The following GRIP2 variants were observed in gnomAD, a reference collection of about 807,000 sequenced individuals.
GRIP2 encodes the protein glutamate receptor interacting protein 2, also known as glutamate receptor-interacting protein 2.
Under a neutral mutation model 108.3 loss-of-function variants are expected in GRIP2, and 58 were observed. The ratio of observed to expected loss-of-function variants is 0.54; its 90% confidence interval spans 0.43 to 0.67. The LOEUF is 0.67. Among genes scored for constraint, GRIP2 ranks in the 30% least tolerant of loss-of-function variants. The pLI, the probability that GRIP2 is intolerant of heterozygous loss-of-function variation, is 0.00. For synonymous variants in GRIP2, 586 were observed against 598.2 expected (o/e 0.98, Z 0.30); for missense variants, 1,278 against 1,430.6 (o/e 0.89, Z 1.72).
intron 21 of GRIP2, 141 bp downstream of exon 21, chr3:14,503,425 C>T: frequency 1.6e-6 from 1 of 629,382 alleles, no homozygotes; most frequent in South Asian, 2.0e-5. Flanking sequence ...GACACCTTTT[C>T]CCACAGGGTG....
chr3:14,555,769 A>G, intron 1 of GRIP2: 1 of 399,128 alleles, frequency 2.5e-6, no homozygotes, highest in Non-Finnish European at 4.4e-6. Flanking sequence ...GGAGGGAGAG[A>G]GAGATGCAGC....
At chr3:14,569,543 G>A in the GRIP2 span, among the ~76,000 whole-genome samples, 49 of 152,328 alleles carry the variant, frequency 3.2e-4, no homozygotes, top group South Asian at 2.1e-4. Context: ...TTGCCGGATC[G>A]TGGGAGATCC....
At position 14,496,440 on chromosome 3, in the gene GRIP2, G is replaced by A. The variant is rs1239207114; in HGVS notation, c.2800C>T (p.Pro934Ser). Residue 934 changes from proline (P) to serine (S), a missense_variant, in exon 22 of 24, where the codon CCT (proline) becomes TCT (serine). Transcript: ENST00000621039. ...SPAEMEELLL[P>S]TPLEMHKVTL... Reference sequence around the variant, plus strand: ...ACCTTGTGCATCTCCAAGGGTGTAGGCAGCAACAGCTCCTCCATTTCTGCA... The same window carrying A: ...ACCTTGTGCATCTCCAAGGGTGTAGACAGCAACAGCTCCTCCATTTCTGCA... 1 of 1,612,410 alleles carries A rather than the reference G, an allele frequency of 6.2e-7. No homozygotes were observed. Among genetic ancestry groups the A allele is most frequent in the Non-Finnish European group, 8.5e-7 (1 of 1,179,284 alleles).
chr3:14,580,997 C>A, the GRIP2 span, among the ~76,000 whole-genome samples: 1 of 139,400 alleles, frequency 7.2e-6, no homozygotes, highest in East Asian at 2.2e-4. Flanking sequence ...CTGCAGATTA[C>A]TGACTACCAG....
intron 19 of GRIP2, 51 bp downstream of exon 19, chr3:14,506,750 G>A (rs1574997237): frequency 6.7e-7 from 1 of 1,481,700 alleles, no homozygotes; most frequent in East Asian, 2.5e-5. Context: ...CCCAGCAGCA[G>A]GGGCGGCCTA....
upstream of GRIP2, among the ~76,000 whole-genome samples, chr3:14,543,945 C>T (rs996605183): frequency 2.6e-5 from 4 of 152,220 alleles, no homozygotes; most frequent in Non-Finnish European, 5.9e-5. Context: ...AACACCTACC[C>T]TCTAGGGTTG....
In GRIP2 at chr3:14,522,184, G is replaced by A. The variant is rs890937638; in HGVS notation, c.567-397C>T. 21 of 187,650 alleles carry A rather than the reference G, an allele frequency of 1.1e-4. No individual in the cohort carries two copies. The highest frequency in any genetic ancestry group is 2.8e-4 in the South Asian group (2 of 7,178). 11.6% of individuals were successfully genotyped at this position (187,650 alleles called of 1,614,324 possible). ...GGTGCAAGCTGTGCCCATGCCACAC[G>A]GCATTGGGGGCTGCTCTGAGCCGTC... On this transcript the variant is annotated intron_variant, in intron 6 of 23. Transcript: ENST00000621039. The surrounding 1 kb of genome is among the most constrained non-coding windows in gnomAD (Gnocchi z 4.3).
At chr3:14,549,568 T>C (rs1695111183) in intron 1 of GRIP2, among the ~76,000 whole-genome samples, 1 of 152,226 alleles carries the variant, frequency 6.6e-6, no homozygotes, top group Non-Finnish European at 1.5e-5. Context: ...TCTTCCCAGA[T>C]GCCACAACAT....
intron 1 of GRIP2, among the ~76,000 whole-genome samples, chr3:14,534,669 C>A (rs1473553079): frequency 6.6e-6 from 1 of 152,080 alleles, no homozygotes; most frequent in Non-Finnish European, 1.5e-5. Flanking sequence ...GTGGGGTGTG[C>A]AAGTCAGGGG....
intron 10 of GRIP2, 62 bp from the exon 11 acceptor site, chr3:14,517,275 T>TG (rs533593351): frequency 2.0e-6 from 3 of 1,471,550 alleles, no homozygotes; most frequent in Non-Finnish European, 2.7e-6. Context: ...CACCACACAG[T>TG]GGGTGCTGGG....
At position 14,507,807 on chromosome 3, in the gene GRIP2, G is replaced by C; in HGVS notation, c.2079-107C>G. On this transcript the variant is annotated intron_variant, in intron 17 of 23. Coordinates refer to ENST00000621039, the MANE Select transcript of GRIP2 (RefSeq NM_001080423.4). This position sits in a 1 kb window ranked among gnomAD's most constrained non-coding sequence, Gnocchi z 4.6. ...AGAGCCACAAAGCAGAAGTCTGGCT[G>C]ACCCCAGTTAAACCCAGCTGCCAAA... 1 of 1,337,736 alleles carries C rather than the reference G, an allele frequency of 7.5e-7. No individual in the cohort carries two copies. The highest frequency in any genetic ancestry group is 1.3e-5 in the South Asian group (1 of 75,056). The allele number at this position is 1,337,736 out of a possible 1,614,324, so 82.9% of individuals were successfully genotyped here.
intron 21 of GRIP2, among the ~76,000 whole-genome samples, chr3:14,500,923 A>G (rs1224028272): frequency 6.6e-6 from 1 of 152,222 alleles, no homozygotes; most frequent in Non-Finnish European, 1.5e-5. Context: ...TATAGTGCCT[A>G]TCTTATTCAA....
intron 23 of GRIP2, 98 bp downstream of exon 23, chr3:14,494,745 T>TC: frequency 7.0e-7 from 1 of 1,419,762 alleles, no homozygotes; most frequent in South Asian, 1.4e-5. Context: ...ACTTGCATTG[T>TC]CCTGCCCTCT....
intron 11 of GRIP2, among the ~76,000 whole-genome samples, chr3:14,516,090 C>G (rs928869810): frequency 1.1e-4 from 16 of 152,124 alleles, no homozygotes; most frequent in Non-Finnish European, 1.9e-4. Flanking sequence ...AGAGGAGTCG[C>G]AAGAGCCTCC....
the GRIP2 span, among the ~76,000 whole-genome samples, chr3:14,581,974 G>C: frequency 6.6e-5 from 10 of 152,280 alleles, no homozygotes; most frequent in African/African-American, 2.4e-4. Context: ...GGAAAGACTT[G>C]AGAGAGGGGA....
chr3:14,573,497 C>T, the GRIP2 span: 1 of 1,546,362 alleles, frequency 6.5e-7, no homozygotes, highest in Non-Finnish European at 8.9e-7. Flanking sequence ...AAGGCAGGAG[C>T]CCACACACAT....
chr3:14,541,792 G>T, upstream of GRIP2: 2 of 1,013,648 alleles, frequency 2.0e-6, no homozygotes, highest in Non-Finnish European at 2.7e-6. Flanking sequence ...GGTGGTGAGG[G>T]TCAGATTGCA....
chr3:14,580,174 GC>G, the GRIP2 span, among the ~76,000 whole-genome samples: 3 of 152,188 alleles, frequency 2.0e-5, no homozygotes, highest in Non-Finnish European at 2.9e-5. Flanking sequence ...CAGGTGCTAA[GC>G]CAACACTCAT....
chr3:14,525,590 T>G lies in GRIP2; in HGVS notation c.122-18A>C. 1 of 1,613,576 alleles carries G rather than the reference T, an allele frequency of 6.2e-7. No homozygotes were observed. Among genetic ancestry groups the G allele is most frequent in the Non-Finnish European group, 8.5e-7 (1 of 1,179,812 alleles). On this transcript the variant is annotated intron_variant, in intron 2 of 23. Coordinates refer to ENST00000621039, the MANE Select transcript of GRIP2 (RefSeq NM_001080423.4). Reference sequence around the variant, plus strand: ...GAACTCCTCTGCCAACAGATGGGGATGGGGGCTTGAGCGGGCAGCTGGGGC... The same window carrying G: ...GAACTCCTCTGCCAACAGATGGGGAGGGGGGCTTGAGCGGGCAGCTGGGGC...
Sources: gnomAD v4.1 joint callset for allele counts (sites outside exome capture counted in the v4.1 genomes callset) on GRCh38, gnomAD v4.1.1 for gene constraint, Gnocchi (gnomAD v3.1) non-coding constraint, MANE v1.5 for transcripts, NCBI Gene and HGNC (gene_info 2026-07-23, HGNC 2026-07-21) for gene names.